The following CCDC40 variants were observed in gnomAD, a reference collection of about 807,000 sequenced individuals.
CCDC40 encodes the protein coiled-coil domain-containing protein 40.
In CCDC40, 104 loss-of-function variants were observed where a neutral mutation model predicts 124.5. That is an observed-to-expected ratio of 0.84 (90% CI 0.71 to 0.98). CCDC40 has a LOEUF of 0.98. Ranked by LOEUF, CCDC40 falls within the 50% of genes least tolerant of loss-of-function variation. The probability of loss-of-function intolerance (pLI) is 0.00; values close to 1 mark genes in which losing one functional copy is unlikely to be tolerated. For missense variants in CCDC40, 1,463 were observed against 1,503.9 expected (o/e 0.97, Z 0.45); for synonymous variants, 580 against 602.9 (o/e 0.96, Z 0.56).
intron 10 of CCDC40, chr17:80,067,818 A>G: frequency 6.9e-7 from 1 of 1,440,728 alleles, no homozygotes. Flanking sequence ...CTGACAGCTC[A>G]GCATGTTGTC....
intron 10 of CCDC40, among the ~76,000 whole-genome samples, chr17:80,080,754 G>T (rs1384732456): frequency 2.6e-5 from 4 of 152,188 alleles, no homozygotes; most frequent in African/African-American, 9.7e-5. Context: ...GCTTTCAATA[G>T]ATAATAGTTC....
Position 80,087,371 on chromosome 17 carries a change from G to A in CCDC40, c.2450-236G>A, listed in dbSNP as rs567437200. The A allele has an allele frequency of 1.2e-4, 71 of 568,282 alleles. No individual in the cohort carries two copies. In the Admixed American group the frequency reaches 1.4e-3, roughly 11 times the overall value. The allele number at this position is 568,282 out of a possible 1,614,324, so 35.2% of individuals were successfully genotyped here. ...CCCACAGGCAGGTCCTCTCAGTTCCGTTGGAGGACCAGGCTTTGGGAGCTT... is the reference window on the plus strand; with the variant it reads ...CCCACAGGCAGGTCCTCTCAGTTCCATTGGAGGACCAGGCTTTGGGAGCTT... On this transcript the variant is annotated intron_variant, in intron 14 of 19. Coordinates refer to ENST00000397545, the MANE Select transcript of CCDC40 (RefSeq NM_017950.4). The surrounding 1 kb of genome is among the most constrained non-coding windows in gnomAD (Gnocchi z 4.5).
intron 18 of CCDC40, among the ~76,000 whole-genome samples, chr17:80,096,952 T>C (rs2038821131): frequency 6.6e-6 from 1 of 152,210 alleles, no homozygotes; most frequent in Admixed American, 6.5e-5. Context: ...GGCACACGGC[T>C]GCTGAACTGT....
rs2038632749 is a variant in CCDC40, at chr17:80,088,267, GTTTTT to G, written c.2711+166_2711+170del. 1.4e-5 allele frequency: 10 copies of G among 694,490 alleles called. No homozygotes were observed. The South Asian group carries it at 1.6e-4, about 11-fold the overall frequency. The allele number at this position is 694,490 out of a possible 1,614,324, so 43.0% of individuals were successfully genotyped here. A position where few individuals can be genotyped will look rare whatever the true frequency, so the allele number is the denominator to read the frequency against. On this transcript the variant is annotated intron_variant, in intron 16 of 19. Coordinates refer to ENST00000397545, the MANE Select transcript of CCDC40 (RefSeq NM_017950.4). ...TTTGTTTTTTGTTTTGTTTTGTTTT[GTTTTT>G]AGACAGTCTTGCTCTATCCCACAGG...
rs745510474 is a variant in CCDC40, at chr17:80,099,713, G to A, written c.3367G>A (p.Glu1123Lys). The A allele has an allele frequency of 2.2e-5, 35 of 1,613,694 alleles. No homozygotes were observed. Among genetic ancestry groups the A allele is most frequent in the East Asian group, 8.9e-5 (4 of 44,888 alleles). ...RVRDEYPQFQ[E>K]ALHKVSQMIA... is the part of the protein sequence containing the mutation. ...GCGGGACGAGTACCCCCAGTTCCAG[G>A]AGGCCCTGCACAAGGTCAGCCAGAT... is the stretch of plus-strand genomic sequence containing the variant. The change falls in exon 20 of 20, where the codon GAG becomes AAG. Residue 1123 changes from glutamate (E) to lysine (K), a missense_variant. Physicochemically the swap from Glu to Lys is moderately conservative, Grantham distance 56 (BLOSUM62 1). Coordinates refer to ENST00000397545, the MANE Select transcript of CCDC40 (RefSeq NM_017950.4).
intron 10 of CCDC40, among the ~76,000 whole-genome samples, chr17:80,077,748 TCTC>T (rs2038343460): frequency 6.6e-6 from 1 of 152,192 alleles, no homozygotes; most frequent in Non-Finnish European, 1.5e-5. Context: ...ATGGTGAGCA[TCTC>T]TTCCCCGGCT....
intron 10 of CCDC40, among the ~76,000 whole-genome samples, chr17:80,075,789 A>AC (rs112737764): frequency 0.1 from 15,705 of 152,156 alleles, 844 homozygotes; most frequent in Middle Eastern, 0.14. Flanking sequence ...CCAAAATATC[A>AC]CCTTTAATGG....
chr17:80,062,552 G>T (rs1199747604), intron 9 of CCDC40, among the ~76,000 whole-genome samples: 2 of 150,156 alleles, frequency 1.3e-5, no homozygotes, highest in East Asian at 2.0e-4. Flanking sequence ...AGAACATGCG[G>T]TGTTTGGGTT....
intron 7 of CCDC40, among the ~76,000 whole-genome samples, chr17:80,055,944 T>C (rs1358866272): frequency 2.2e-5 from 3 of 135,564 alleles, no homozygotes; most frequent in Non-Finnish European, 3.1e-5. Flanking sequence ...CCCAAGTAGC[T>C]GGGACTACAC....
At position 80,058,397 on chromosome 17, in the gene CCDC40, G is replaced by C; in HGVS notation, c.1160-97G>C. ...AAATGGCAGGAAGGGTGCCCAGAAC[G>C]GCTGTTCCCTGCTTCCTCCTGGGTC... is the stretch of plus-strand genomic sequence containing the variant. On this transcript the variant is annotated intron_variant, in intron 7 of 19. Coordinates refer to ENST00000397545, the MANE Select transcript of CCDC40 (RefSeq NM_017950.4). The surrounding 1 kb of genome is among the most constrained non-coding windows in gnomAD (Gnocchi z 4.2). The C allele has an allele frequency of 1.8e-6, 2 of 1,131,988 alleles. No individual in the cohort carries two copies. The highest frequency in any genetic ancestry group is 3.5e-5 in the Admixed American group (2 of 57,076). The allele number at this position is 1,131,988 out of a possible 1,614,324, so 70.1% of individuals were successfully genotyped here.
intron 16 of CCDC40, chr17:80,089,537 C>T: frequency 2.8e-6 from 1 of 362,438 alleles, no homozygotes; most frequent in Non-Finnish European, 5.4e-6. Context: ...TCTGTTTCTT[C>T]CCCACCCCCA....
intron 17 of CCDC40, chr17:80,090,339 A>C: frequency 3.1e-6 from 2 of 654,326 alleles, no homozygotes; most frequent in Non-Finnish European, 2.3e-6. Flanking sequence ...AGGCACGTGC[A>C]CGAACAAGGG....
At position 80,082,991 on chromosome 17, in the gene CCDC40, T is replaced by C. The variant is rs532644192; in HGVS notation, c.1989+933T>C. Among the ~76,000 whole-genome samples, 19 of 152,040 alleles carry C rather than the reference T, an allele frequency of 1.2e-4. No individual in the cohort carries two copies. The South Asian group carries it at 4.0e-3, about 32-fold the overall frequency. ...ATAGAAGGTGGGGTGGGGAGGCATATCTGGGAGGAGGAGCAAAGTGTGGAT... is the reference window on the plus strand; with the variant it reads ...ATAGAAGGTGGGGTGGGGAGGCATACCTGGGAGGAGGAGCAAAGTGTGGAT... On this transcript the variant is annotated intron_variant, in intron 12 of 19. Transcript: ENST00000397545.
chr17:80,086,160 T>A lies in CCDC40; in HGVS notation c.2393T>A (p.Leu798Gln), dbSNP rs780648412. Residue 798 changes from leucine to glutamine, a missense_variant, in exon 14 of 20, where the codon CTG becomes CAG. Transcript: ENST00000397545. This position sits in a 1 kb window ranked among gnomAD's most constrained non-coding sequence, Gnocchi z 5.5. ...GAGCAGGAGGAGCAGCTGGCCTCCC[T>A]GGACGCATCCAAGAAGGAGCTCCAC... ...TQEQEEQLAS[L>Q]DASKKELHIM... is the part of the protein sequence containing the mutation. 5 of 1,613,752 alleles carry A rather than the reference T, an allele frequency of 3.1e-6. No homozygotes were observed. In the East Asian group the frequency reaches 1.1e-4, roughly 36 times the overall value.
chr17:80,038,283 C>G, intron 2 of CCDC40, 97 bp downstream of exon 2: 1 of 843,094 alleles, frequency 1.2e-6, no homozygotes, highest in South Asian at 1.4e-5. Context: ...GTAATCCCAA[C>G]ACTTTGGGAG....
chr17:80,091,342 C>CACACACACACAGAG (rs1555594249), intron 17 of CCDC40, among the ~76,000 whole-genome samples: 7 of 144,922 alleles, frequency 4.8e-5, no homozygotes, highest in African/African-American at 1.8e-4. Flanking sequence ...CACACACACA[C>CACACACACACAGAG]AGAGAGAGAG....
chr17:80,036,761 G>A (rs945290088), intron 1 of CCDC40, 70 bp downstream of exon 1: 1 of 1,405,642 alleles, frequency 7.1e-7, no homozygotes. Flanking sequence ...GCTCCAGGTG[G>A]CCCCCGCGTC....
intron 1 of CCDC40, among the ~76,000 whole-genome samples, chr17:80,037,688 A>AAAAAAAAAATATATATATATAT: frequency 1.3e-4 from 6 of 45,674 alleles, no homozygotes; most frequent in African/African-American, 3.0e-4. Flanking sequence ...TTTTTTAAAA[A>AAAAAAAAAATATATATATATAT]AGATATACAT....
At chr17:80,074,047 G>A (rs934583270) in intron 10 of CCDC40, among the ~76,000 whole-genome samples, 1 of 152,212 alleles carries the variant, frequency 6.6e-6, no homozygotes, top group African/African-American at 2.4e-5. Flanking sequence ...CATGTCAAAA[G>A]CTGAGATAAG....
Sources: allele counts gnomAD v4.1 joint callset (sites outside exome capture counted in the v4.1 genomes callset), GRCh38; gene constraint gnomAD v4.1.1; non-coding constraint Gnocchi (gnomAD v3.1); transcripts MANE v1.5; gene names NCBI Gene and HGNC (gene_info 2026-07-23, HGNC 2026-07-21).